Variants in RANBP2 observed in about 807,000 individuals in gnomAD.
RANBP2 encodes the protein RAN binding protein 2.
Under a neutral mutation model 303.6 loss-of-function variants are expected in RANBP2, and 57 were observed. The ratio of observed to expected loss-of-function variants is 0.19; its 90% confidence interval spans 0.15 to 0.23. The LOEUF is 0.23. RANBP2 is among the 10% of genes least tolerant of loss of function. RANBP2 has a pLI of 1.00. For synonymous variants in RANBP2, 1,167 were observed against 1,301.5 expected, an observed-to-expected ratio of 0.90 and a Z score of 2.23; for missense variants, 3,138 against 3,780.8, an observed-to-expected ratio of 0.83 and a Z score of 4.46.
At chr2:109,025,670 C>T in the RANBP2 span, among the ~76,000 whole-genome samples, 9 of 151,778 alleles carry the variant, frequency 5.9e-5, no homozygotes, top group African/African-American at 1.2e-4. Context: ...TGGTGGTGGG[C>T]GCCTGTAGTC....
At chr2:109,123,853 G>A in the RANBP2 span, among the ~76,000 whole-genome samples, 1 of 152,118 alleles carries the variant, frequency 6.6e-6, no homozygotes, top group East Asian at 1.9e-4. Context: ...TTCAAGGGAA[G>A]GGCTAGGACC....
chr2:109,188,722 C>T, the RANBP2 span, among the ~76,000 whole-genome samples: 6 of 152,074 alleles, frequency 3.9e-5, no homozygotes, highest in Non-Finnish European at 8.8e-5. Flanking sequence ...TGGTGCTTGC[C>T]GTCAGTGTGT....
chr2:109,259,028 C>T, the RANBP2 span, among the ~76,000 whole-genome samples: 1 of 152,188 alleles, frequency 6.6e-6, no homozygotes, highest in Non-Finnish European at 1.5e-5. Flanking sequence ...TAGGCTGCCT[C>T]GGGAAGGAGG....
the RANBP2 span, among the ~76,000 whole-genome samples, chr2:109,000,771 C>T: frequency 6.6e-6 from 1 of 152,198 alleles, no homozygotes. Flanking sequence ...TTATCTCATA[C>T]AACCCTTACT....
Position 108,784,358 on chromosome 2 carries a change from T to A in RANBP2, c.*457T>A, listed in dbSNP as rs1678462450. On this transcript the variant is annotated 3_prime_UTR_variant, in exon 29 of 29. Coordinates refer to ENST00000283195, the MANE Select transcript of RANBP2 (RefSeq NM_006267.5). ...AACTATTGGTGTACTCATTTATGCATAGAGACTCGTTTATGAATGGGTAGA... is the reference window on the plus strand; with the variant it reads ...AACTATTGGTGTACTCATTTATGCAAAGAGACTCGTTTATGAATGGGTAGA... The A allele has an allele frequency of 6.1e-6, 1 of 164,644 alleles. No homozygotes were observed. Among genetic ancestry groups the A allele is most frequent in the African/African-American group, 2.4e-5 (1 of 41,544 alleles). The allele number at this position is 164,644 out of a possible 1,614,324, so 10.2% of individuals were successfully genotyped here. A position where few individuals can be genotyped will look rare whatever the true frequency, so the allele number is the denominator to read the frequency against.
At chr2:109,074,950 C>T in the RANBP2 span, among the ~76,000 whole-genome samples, 2,771 of 136,248 alleles carry the variant, frequency 0.02, 96 homozygotes, top group African/African-American at 0.071. Flanking sequence ...AACCGGGATC[C>T]GGGAGGTGGA....
the RANBP2 span, among the ~76,000 whole-genome samples, chr2:109,526,158 T>C: frequency 1.4e-4 from 22 of 152,102 alleles, no homozygotes; most frequent in Admixed American, 1.4e-3. Flanking sequence ...TATTTCCCTC[T>C]TTTGTCTCTC....
At chr2:109,117,806 C>G in the RANBP2 span, among the ~76,000 whole-genome samples, 730 of 152,298 alleles carry the variant, frequency 4.8e-3, 9 homozygotes, top group African/African-American at 0.016. Context: ...TTTCAAAAAG[C>G]AAGGCTACAG....
At chr2:109,730,270 T>C in the RANBP2 span, among the ~76,000 whole-genome samples, 1 of 152,222 alleles carries the variant, frequency 6.6e-6, no homozygotes, top group Non-Finnish European at 1.5e-5. Context: ...GCTGTTTCTT[T>C]GGATGGTTTG....
At chr2:109,337,943 G>T in the RANBP2 span, among the ~76,000 whole-genome samples, 1 of 151,876 alleles carries the variant, frequency 6.6e-6, no homozygotes, top group Non-Finnish European at 1.5e-5. Context: ...CGTTACCCCG[G>T]CTGGTCTGGA....
At chr2:109,253,684 A>G in the RANBP2 span, among the ~76,000 whole-genome samples, 1 of 152,152 alleles carries the variant, frequency 6.6e-6, no homozygotes, top group East Asian at 1.9e-4. Context: ...TTGGAAAGGA[A>G]TTTGGCTGTC....
At chr2:108,890,918 G>T in the RANBP2 span, among the ~76,000 whole-genome samples, 1 of 151,990 alleles carries the variant, frequency 6.6e-6, no homozygotes. Flanking sequence ...CAAGTTCTGA[G>T]ATTCTTTATT....
the RANBP2 span, among the ~76,000 whole-genome samples, chr2:108,827,835 A>T: frequency 2.0e-5 from 3 of 151,624 alleles, no homozygotes; most frequent in African/African-American, 7.3e-5. Context: ...AAAAAAAATT[A>T]AAAAAATTTA....
chr2:109,260,595 G>A, the RANBP2 span, among the ~76,000 whole-genome samples: 2 of 152,208 alleles, frequency 1.3e-5, no homozygotes, highest in African/African-American at 4.8e-5. Context: ...TATGTGGAGT[G>A]CCTGATGCAG....
At chr2:109,553,698 C>CA in the RANBP2 span, among the ~76,000 whole-genome samples, 4 of 151,066 alleles carry the variant, frequency 2.6e-5, no homozygotes, top group Non-Finnish European at 4.4e-5. Flanking sequence ...ACTAAAAATA[C>CA]AAAAAATTAG....
chr2:109,501,475 G>A, the RANBP2 span: 1 of 767,840 alleles, frequency 1.3e-6, no homozygotes, highest in South Asian at 1.4e-5. Context: ...TGTCTGTGTG[G>A]GGCTCACCCA....
chr2:109,229,867 C>T, the RANBP2 span, among the ~76,000 whole-genome samples: 1 of 148,782 alleles, frequency 6.7e-6, no homozygotes, highest in South Asian at 2.1e-4. Context: ...CTCTGTTGCC[C>T]AGGCTGGAGT....
the RANBP2 span, among the ~76,000 whole-genome samples, chr2:109,520,889 G>A: frequency 7.2e-5 from 7 of 97,404 alleles, 2 homozygotes; most frequent in Admixed American, 5.1e-4. Context: ...CCAAGATCGC[G>A]CCACTGCATT....
At chr2:108,884,026 T>A in the RANBP2 span, 1 of 152,240 alleles carries the variant, frequency 6.6e-6, no homozygotes, top group East Asian at 1.9e-4. Flanking sequence ...ACCTTAGCCA[T>A]CTCAGTAGCT....
Sources: gnomAD v4.1 joint callset for allele counts (sites outside exome capture counted in the v4.1 genomes callset) on GRCh38, gnomAD v4.1.1 for gene constraint, MANE v1.5 for transcripts, NCBI Gene and HGNC (gene_info 2026-07-23, HGNC 2026-07-21) for gene names.